The following NUP93 variants were observed in gnomAD, a reference collection of about 807,000 sequenced individuals.
NUP93 encodes the protein nucleoporin 93.
NUP93 carries 55 observed loss-of-function variants against 107.8 expected under a neutral mutation model. The ratio of observed to expected loss-of-function variants is 0.51; its 90% CI spans 0.41 to 0.64. NUP93 has a LOEUF of 0.64. NUP93 is among the 30% of genes least tolerant of loss of function. The pLI is 0.00. For synonymous variants in NUP93, 390 were observed against 397.5 expected, an observed-to-expected ratio of 0.98 and a Z score of 0.22; for missense variants, 937 against 1,044.7, an observed-to-expected ratio of 0.90 and a Z score of 1.42.
At chr16:56,767,100 T>C (rs1962229181) in intron 3 of NUP93, among the ~76,000 whole-genome samples, 1 of 152,242 alleles carries the variant, frequency 6.6e-6, no homozygotes, top group Non-Finnish European at 1.5e-5. Flanking sequence ...ATGCTGGGGC[T>C]AAGGCCCTTG....
At chr16:56,797,033 G>A (rs1443645396) in intron 3 of NUP93, among the ~76,000 whole-genome samples, 1 of 151,974 alleles carries the variant, frequency 6.6e-6, no homozygotes, top group Non-Finnish European at 1.5e-5. Context: ...CCAGCACTTT[G>A]GGAGGCAGAT....
At chr16:56,798,234 A>G (rs1962942079) in intron 3 of NUP93, among the ~76,000 whole-genome samples, 2 of 152,220 alleles carry the variant, frequency 1.3e-5, no homozygotes, top group Non-Finnish European at 2.9e-5. Flanking sequence ...TTTATGGGAT[A>G]TAGAACCCCA....
At chr16:56,783,651 T>C (rs1962562118) in intron 3 of NUP93, 1 of 985,304 alleles carries the variant, frequency 1.0e-6, no homozygotes. Context: ...ATTTAATGTA[T>C]GGAAAATGTC....
At chr16:56,740,402 A>C (rs1441987179) in intron 1 of NUP93, among the ~76,000 whole-genome samples, 1 of 150,428 alleles carries the variant, frequency 6.6e-6, no homozygotes, top group Non-Finnish European at 1.5e-5. Context: ...GGCGGGGCAG[A>C]GGCGCTCCCC....
intron 3 of NUP93, chr16:56,781,763 C>T (rs1962519024): frequency 6.5e-6 from 6 of 924,106 alleles, no homozygotes; most frequent in African/African-American, 5.4e-5. Context: ...GTTGTCTCTC[C>T]CCCTCTTAAA....
intron 5 of NUP93, among the ~76,000 whole-genome samples, chr16:56,808,636 TTATATAAATATATAAAAATACATATA>T (rs1567399034): frequency 7.6e-6 from 1 of 131,304 alleles, no homozygotes; most frequent in African/African-American, 2.9e-5. Flanking sequence ...ATAAATACAT[TTATATAAATATATAAAAATACATATA>T]TTTATAAATA....
chr16:56,798,939 G>T (rs537375110), intron 4 of NUP93, among the ~76,000 whole-genome samples: 1 of 151,958 alleles, frequency 6.6e-6, no homozygotes, highest in South Asian at 2.1e-4. Context: ...CTGGAAGCTG[G>T]AATCTATCCT....
chr16:56,804,291 G>T (rs1963085216), intron 4 of NUP93, among the ~76,000 whole-genome samples: 1 of 152,298 alleles, frequency 6.6e-6, no homozygotes, highest in East Asian at 1.9e-4. Context: ...CAAAAGCCAA[G>T]AAGTGGAAGC....
In NUP93 at chr16:56,841,935, T is replaced by C; in HGVS notation, c.2349+102T>C. The C allele has an allele frequency of 3.6e-6, 5 of 1,402,014 alleles. No individual in the cohort carries two copies. In the Admixed American group the frequency reaches 6.5e-5, roughly 18 times the overall value. The allele number at this position is 1,402,014 out of a possible 1,614,324, so 86.8% of individuals were successfully genotyped here. A position where few individuals can be genotyped will look rare whatever the true frequency, so the allele number is the denominator to read the frequency against. On this transcript the variant is annotated intron_variant, in intron 21 of 21. Coordinates refer to ENST00000308159, the MANE Select transcript of NUP93 (RefSeq NM_014669.5). The stretch of plus-strand genomic sequence containing the variant: ...CCACATGACCCAAAACTGCTCTTTC[T>C]CCTCAGTACCTGGCAGCTGGATAAA...
At chr16:56,841,893 G>T (rs1246057665) in intron 21 of NUP93, 60 bp downstream of exon 21, 3 of 1,597,590 alleles carry the variant, frequency 1.9e-6, no homozygotes, top group Non-Finnish European at 2.6e-6. Context: ...TTTGGAATCC[G>T]TTGCGCTCTT....
In NUP93 at chr16:56,841,813, G is replaced by A; in HGVS notation, c.2329G>A (p.Val777Ile). The change falls in exon 21 of 22, where the codon GTC (valine) becomes ATC (isoleucine). Residue 777 changes from valine to isoleucine, a missense_variant. Coordinates refer to ENST00000308159, the MANE Select transcript of NUP93 (RefSeq NM_014669.5). ...ATCCTCGTCATCCAGGCCCCAGCGA[G>A]TCATCGAGGACCGCGACTCTGTAAG... is the stretch of plus-strand genomic sequence containing the variant. The part of the protein sequence containing the change: ...SPSSSSRPQR[V>I]IEDRDSQLRS... The A allele has an allele frequency of 6.2e-7, 1 of 1,614,186 alleles. No homozygotes were observed. The highest frequency in any genetic ancestry group is 8.5e-7 in the Non-Finnish European group (1 of 1,180,010).
At chr16:56,830,731 A>C (rs1963766783) in intron 10 of NUP93, 46 bp downstream of exon 10, 1 of 1,444,426 alleles carries the variant, frequency 6.9e-7, no homozygotes, top group African/African-American at 1.4e-5. Flanking sequence ...ATGCAGAATC[A>C]AAGGGGCATC....
chr16:56,826,737 T>C (rs1963668801), intron 8 of NUP93, among the ~76,000 whole-genome samples: 1 of 152,114 alleles, frequency 6.6e-6, no homozygotes, highest in African/African-American at 2.4e-5. Context: ...TGTATTTTTT[T>C]TCATAACTGC....
intron 1 of NUP93, among the ~76,000 whole-genome samples, chr16:56,741,341 A>G (rs1328696915): frequency 3.3e-5 from 5 of 152,226 alleles, no homozygotes; most frequent in African/African-American, 1.2e-4. Context: ...AGATAATTTT[A>G]TGTATCAACA....
intron 16 of NUP93, 142 bp from the exon 17 acceptor site, chr16:56,836,459 G>A: frequency 1.5e-6 from 1 of 648,056 alleles, no homozygotes; most frequent in Non-Finnish European, 2.8e-6. Flanking sequence ...GCCAGAGTCT[G>A]GCTGATGAAA....
At chr16:56,740,984 C>G (rs1436403590) in intron 1 of NUP93, 1 of 150,764 alleles carries the variant, frequency 6.6e-6, no homozygotes, top group East Asian at 1.9e-4. Flanking sequence ...AGCTTCGGCT[C>G]CGCATGAGAG....
intron 1 of NUP93, 176 bp from the exon 2 acceptor site, chr16:56,748,058 C>G: frequency 4.3e-6 from 2 of 461,028 alleles, no homozygotes; most frequent in Non-Finnish European, 7.8e-6. Flanking sequence ...GACTCATTTT[C>G]TCTGTCAGGC....
rs962071550 is a variant in NUP93, at chr16:56,840,040, C to T, written c.2220+436C>T. ...TTTTGGGATTTTTTTGTTTTTGAAA[C>T]GGAGGAGTCTCACTCTGTCACCCAG... is the stretch of plus-strand genomic sequence containing the variant. On this transcript the variant is annotated intron_variant, in intron 20 of 21. Transcript: ENST00000308159. 4.6e-5 allele frequency: 8 copies of T among 174,882 alleles called. No homozygotes were observed. In the East Asian group the frequency reaches 5.3e-4, roughly 12 times the overall value. 10.8% of individuals were successfully genotyped at this position (174,882 alleles called of 1,614,324 possible). A position where few individuals can be genotyped will look rare whatever the true frequency, so the allele number is the denominator to read the frequency against.
chr16:56,794,085 GGT>G lies in NUP93; in HGVS notation c.298-4390_298-4389del, dbSNP rs1491464692. The stretch of plus-strand genomic sequence containing the variant: ...AGATAGATAGATAGGTAGGTAGGTA[GGT>G]AGGTAGATAGATAGATAGATAGATA... On this transcript the variant is annotated intron_variant, in intron 3 of 21. Transcript: ENST00000308159. Among the ~76,000 whole-genome samples, 249 of 130,872 alleles carry G rather than the reference GGT, an allele frequency of 1.9e-3. 2 individuals carry two copies. Among genetic ancestry groups the G allele is most frequent in the African/African-American group, 6.0e-3 (204 of 34,164 alleles). 85.9% of individuals were successfully genotyped at this position (130,872 alleles called of 152,430 possible).
Sources: gnomAD v4.1 joint callset for allele counts (sites outside exome capture counted in the v4.1 genomes callset) on GRCh38, gnomAD v4.1.1 for gene constraint, MANE v1.5 for transcripts, NCBI Gene and HGNC (gene_info 2026-07-23, HGNC 2026-07-21) for gene names.